GLIS1: variants seen among roughly 807,000 people sequenced by gnomAD.
The protein encoded by GLIS1 is zinc finger protein GLIS1.
In GLIS1, 24 loss-of-function variants were observed where a neutral mutation model predicts 63.8. That is an observed-to-expected ratio of 0.38 (90% CI 0.27 to 0.53). The LOEUF is 0.53. Among genes scored for constraint, GLIS1 ranks in the 20% least tolerant of loss-of-function variants. The pLI, the probability that GLIS1 is intolerant of heterozygous loss-of-function variation, is 0.85. For synonymous variants in GLIS1, 450 were observed against 482.5 expected (o/e 0.93, Z 0.88); for missense variants, 1,036 against 1,074.1 (o/e 0.96, Z 0.50).
At chr1:53,662,002 C>T (rs1015169906) in intron 2 of GLIS1, among the ~76,000 whole-genome samples, 1 of 152,184 alleles carries the variant, frequency 6.6e-6, no homozygotes, top group African/African-American at 2.4e-5. Flanking sequence ...GACCTCTGCT[C>T]AACACAGGGA....
chr1:53,554,625 C>A (rs1171662870), intron 4 of GLIS1, among the ~76,000 whole-genome samples: 3 of 152,098 alleles, frequency 2.0e-5, no homozygotes, highest in East Asian at 3.9e-4. Context: ...AGCCCTGAGT[C>A]CATATTGCCC....
chr1:53,710,572 G>C (rs747126430), intron 2 of GLIS1, among the ~76,000 whole-genome samples: 2 of 152,208 alleles, frequency 1.3e-5, no homozygotes, highest in Admixed American at 6.5e-5. Flanking sequence ...ATTCTTCATG[G>C]GGACAATAAC....
chr1:53,531,318 G>A (rs1270766597), intron 4 of GLIS1, among the ~76,000 whole-genome samples: 1 of 152,234 alleles, frequency 6.6e-6, no homozygotes, highest in Non-Finnish European at 1.5e-5. Flanking sequence ...GCTCCCAGCA[G>A]CAGGTGGCCA....
intron 2 of GLIS1, among the ~76,000 whole-genome samples, chr1:53,675,060 A>G (rs1351490909): frequency 6.6e-6 from 1 of 152,198 alleles, no homozygotes; most frequent in Non-Finnish European, 1.5e-5. Flanking sequence ...TCCAGCCAGG[A>G]GACTCATGGG....
At chr1:53,686,763 G>A (rs535608777) in intron 2 of GLIS1, among the ~76,000 whole-genome samples, 333 of 152,144 alleles carry the variant, frequency 2.2e-3, no homozygotes, top group African/African-American at 7.6e-3. Flanking sequence ...AGGCACAGAA[G>A]CATGAGAACG....
chr1:53,543,772 C>G (rs1050631236), intron 4 of GLIS1, among the ~76,000 whole-genome samples: 4 of 151,956 alleles, frequency 2.6e-5, no homozygotes, highest in Non-Finnish European at 4.4e-5. Context: ...CACCCCTCAC[C>G]TGCATCTCGG....
intron 4 of GLIS1, among the ~76,000 whole-genome samples, chr1:53,540,672 ACCCCGG>A (rs1644634709): frequency 6.6e-6 from 1 of 151,740 alleles, no homozygotes; most frequent in Non-Finnish European, 1.5e-5. Flanking sequence ...GCTCTGCGTG[ACCCCGG>A]CCCAGCCACC....
intron 2 of GLIS1, among the ~76,000 whole-genome samples, chr1:53,662,833 T>C (rs983464796): frequency 2.0e-5 from 3 of 152,204 alleles, no homozygotes; most frequent in African/African-American, 7.2e-5. Flanking sequence ...TGAGCACCAA[T>C]GTGGGCTGAG....
chr1:53,609,712 G>A (rs1645407479), intron 2 of GLIS1, among the ~76,000 whole-genome samples: 1 of 152,152 alleles, frequency 6.6e-6, no homozygotes, highest in Admixed American at 6.6e-5. Flanking sequence ...GATCAGTACA[G>A]TCATGCATCA....
intron 2 of GLIS1, among the ~76,000 whole-genome samples, chr1:53,633,306 AGT>A (rs1202281485): frequency 8.0e-6 from 1 of 125,692 alleles, no homozygotes; most frequent in Non-Finnish European, 1.6e-5. Flanking sequence ...CGTGTGAATG[AGT>A]GTGACTGGGG....
In GLIS1 at chr1:53,705,335, T is replaced by G. The variant is rs112022258; in HGVS notation, c.259+32471A>C. Among the ~76,000 whole-genome samples the G allele has an allele frequency of 6.3e-3, 954 of 152,210 alleles. 11 individuals carry two copies. The highest frequency in any genetic ancestry group is 0.022 in the African/African-American group (908 of 41,542). ...AAGGCAGCGTCCCCATCCCCACAGA[T>G]TCCTCCCTCACTCTGCATCTAAATA... On this transcript the variant is annotated intron_variant, in intron 2 of 10. Transcript: ENST00000628545.
intron 4 of GLIS1, among the ~76,000 whole-genome samples, chr1:53,544,271 G>A (rs888913441): frequency 1.3e-5 from 2 of 152,124 alleles, no homozygotes; most frequent in Non-Finnish European, 2.9e-5. Flanking sequence ...TCAGGAGCCC[G>A]GGGTTGCCAA....
chr1:53,639,450 G>C lies in GLIS1; in HGVS notation c.260-39172C>G, dbSNP rs1232508775. Among the ~76,000 whole-genome samples the C allele has an allele frequency of 6.6e-6, 1 of 152,094 alleles. No homozygotes were observed. The highest frequency in any genetic ancestry group is 6.5e-5 in the Admixed American group (1 of 15,270). ...CGCCTGTCCCTCTCGGGGCTGGCAG[G>C]AGGCACCCCATAAATCAATCAGTAA... On this transcript the variant is annotated intron_variant, in intron 2 of 10. Transcript: ENST00000628545. This position sits in a 1 kb window ranked among gnomAD's most constrained non-coding sequence, Gnocchi z 4.6.
At chr1:53,637,913 C>A (rs1371998497) in intron 2 of GLIS1, among the ~76,000 whole-genome samples, 2 of 152,196 alleles carry the variant, frequency 1.3e-5, no homozygotes, top group Admixed American at 1.3e-4. Context: ...AGGACAGGGG[C>A]ATGGAGGAAG....
chr1:53,562,688 G>A (rs1444156895), intron 4 of GLIS1, among the ~76,000 whole-genome samples: 2 of 152,016 alleles, frequency 1.3e-5, no homozygotes, highest in Non-Finnish European at 1.5e-5. Context: ...TCCTCCAACC[G>A]TATCAACACT....
intron 4 of GLIS1, among the ~76,000 whole-genome samples, chr1:53,580,322 C>T (rs924896529): frequency 1.3e-5 from 2 of 152,194 alleles, no homozygotes; most frequent in African/African-American, 4.8e-5. Context: ...GCCTCCCTAC[C>T]TGTGAGGTTG....
intron 2 of GLIS1, among the ~76,000 whole-genome samples, chr1:53,608,371 A>G (rs1282376892): frequency 6.6e-6 from 1 of 152,176 alleles, no homozygotes; most frequent in East Asian, 1.9e-4. Context: ...ACACAGCCAC[A>G]CTGGGTGTTA....
intron 2 of GLIS1, among the ~76,000 whole-genome samples, chr1:53,665,154 A>G (rs755059621): frequency 2.5e-4 from 38 of 152,184 alleles, no homozygotes; most frequent in Non-Finnish European, 5.0e-4. Flanking sequence ...TTGGGCCAGG[A>G]TGATAGCAGG....
chr1:53,529,350 G>C (rs753607228), intron 5 of GLIS1, among the ~76,000 whole-genome samples: 22 of 152,122 alleles, frequency 1.4e-4, no homozygotes, highest in Admixed American at 1.4e-3. Flanking sequence ...CTGTGTCTAC[G>C]GAGGGGGCAG....
Sources: gnomAD v4.1 joint callset for allele counts (sites outside exome capture counted in the v4.1 genomes callset) on GRCh38, gnomAD v4.1.1 for gene constraint, Gnocchi (gnomAD v3.1) non-coding constraint, MANE v1.5 for transcripts, NCBI Gene and HGNC (gene_info 2026-07-23, HGNC 2026-07-21) for gene names.